Variants in KCNT2 observed in about 807,000 individuals in gnomAD.
KCNT2 encodes potassium sodium-activated channel subfamily T member 2, also known as potassium channel subfamily T member 2.
KCNT2 carries 67 observed loss-of-function variants against 153.8 expected under a neutral mutation model. That is an observed-to-expected ratio of 0.44 (90% CI 0.36 to 0.53). The LOEUF (loss-of-function observed/expected upper bound fraction) is 0.53. Ranked by LOEUF, KCNT2 falls within the 20% of genes least tolerant of loss-of-function variation. The probability of loss-of-function intolerance (pLI) is 0.00; values close to 1 mark genes in which losing one functional copy is unlikely to be tolerated. For synonymous variants in KCNT2, 500 were observed against 458.8 expected (o/e 1.09, Z -1.15); for missense variants, 975 against 1,354.8 (o/e 0.72, Z 4.40).
intron 1 of KCNT2, among the ~76,000 whole-genome samples, chr1:196,572,956 G>C (rs1660943558): frequency 2.0e-5 from 3 of 152,164 alleles, no homozygotes; most frequent in Middle Eastern, 6.8e-3. Context: ...TAGTGTCTCA[G>C]GTTTAAATAG....
chr1:196,262,699 T>C (rs1355184385), intron 25 of KCNT2, among the ~76,000 whole-genome samples: 1 of 152,090 alleles, frequency 6.6e-6, no homozygotes, highest in Non-Finnish European at 1.5e-5. Context: ...ACACGTGGTC[T>C]GTGATCTATG....
At chr1:196,602,770 A>ATTTTTTTTTTTT (rs148932905) in intron 1 of KCNT2, among the ~76,000 whole-genome samples, 1 of 84,630 alleles carries the variant, frequency 1.2e-5, no homozygotes, top group African/African-American at 5.3e-5. Context: ...TTCAAAGTCT[A>ATTTTTTTTTTTT]TTTTTTTTTT....
intron 1 of KCNT2, among the ~76,000 whole-genome samples, chr1:196,550,384 C>G (rs1657737035): frequency 2.0e-5 from 3 of 151,840 alleles, no homozygotes; most frequent in African/African-American, 7.2e-5. Flanking sequence ...AGAAAATACA[C>G]AGAATGAAGA....
chr1:196,573,105 G>A (rs1660959285), intron 1 of KCNT2, among the ~76,000 whole-genome samples: 1 of 152,042 alleles, frequency 6.6e-6, no homozygotes, highest in Non-Finnish European at 1.5e-5. Context: ...GAAAACATCT[G>A]CTTATCCTTC....
chr1:196,441,326 AT>A (rs1366447368), intron 8 of KCNT2, among the ~76,000 whole-genome samples: 4 of 151,254 alleles, frequency 2.6e-5, no homozygotes, highest in Non-Finnish European at 5.9e-5. Context: ...AAAATAAAAA[AT>A]ATATATATAT....
intron 1 of KCNT2, among the ~76,000 whole-genome samples, chr1:196,603,809 A>G (rs759232254): frequency 1.6e-4 from 25 of 152,264 alleles, no homozygotes; most frequent in Non-Finnish European, 3.1e-4. Flanking sequence ...AGTAGTTGGA[A>G]TTGTGACAAT....
intron 26 of KCNT2, among the ~76,000 whole-genome samples, chr1:196,242,282 G>A (rs1005883850): frequency 5.9e-5 from 9 of 152,058 alleles, no homozygotes; most frequent in African/African-American, 2.2e-4. Context: ...GTGTTCAGGT[G>A]AAGTACTTCA....
intron 12 of KCNT2, among the ~76,000 whole-genome samples, chr1:196,400,276 GA>G (rs1394718447): frequency 1.1e-4 from 16 of 151,674 alleles, no homozygotes; most frequent in African/African-American, 3.9e-4. Context: ...AAAGGAAAGG[GA>G]AAAAATAGAA....
chr1:196,325,989 G>A (rs1663813006), intron 19 of KCNT2, among the ~76,000 whole-genome samples: 2 of 152,074 alleles, frequency 1.3e-5, no homozygotes, highest in Non-Finnish European at 2.9e-5. Flanking sequence ...CATCACATTG[G>A]AATGGATGAG....
intron 3 of KCNT2, among the ~76,000 whole-genome samples, chr1:196,483,671 A>G (rs1679190942): frequency 1.3e-5 from 2 of 152,030 alleles, no homozygotes; most frequent in South Asian, 4.1e-4. Flanking sequence ...ATTCCACTTG[A>G]TCAACTTTGT....
At chr1:196,401,037 G>A (rs1354685066) in intron 12 of KCNT2, among the ~76,000 whole-genome samples, 1 of 151,764 alleles carries the variant, frequency 6.6e-6, no homozygotes, top group Non-Finnish European at 1.5e-5. Context: ...GGAAAAGGGA[G>A]AGGCAACAAA....
At chr1:196,549,374 G>C (rs1657591136) in intron 1 of KCNT2, among the ~76,000 whole-genome samples, 1 of 151,840 alleles carries the variant, frequency 6.6e-6, no homozygotes, top group Non-Finnish European at 1.5e-5. Context: ...CCACACTAGA[G>C]AGTGAGAAGA....
chr1:196,295,187 A>G (rs1294434661), intron 22 of KCNT2, among the ~76,000 whole-genome samples: 1 of 151,674 alleles, frequency 6.6e-6, no homozygotes, highest in East Asian at 1.9e-4. Context: ...ACTGTACCCA[A>G]TTAATAATTT....
intron 26 of KCNT2, among the ~76,000 whole-genome samples, chr1:196,238,117 T>G (rs1360253717): frequency 2.0e-5 from 3 of 151,920 alleles, no homozygotes; most frequent in Non-Finnish European, 4.4e-5. Flanking sequence ...ATTATTGAAC[T>G]GTGATACAGG....
At chr1:196,522,981 G>C (rs1185563456) in intron 1 of KCNT2, among the ~76,000 whole-genome samples, 1 of 152,144 alleles carries the variant, frequency 6.6e-6, no homozygotes, top group Non-Finnish European at 1.5e-5. Context: ...AACCCACTTG[G>C]GTCCCCTTCC....
At chr1:196,269,399 C>T (rs966796821) in intron 25 of KCNT2, among the ~76,000 whole-genome samples, 2 of 152,100 alleles carry the variant, frequency 1.3e-5, no homozygotes, top group South Asian at 2.1e-4. Flanking sequence ...AACCTACACA[C>T]TACAAGGTAG....
chr1:196,449,002 T>A (rs1675927212), intron 8 of KCNT2, among the ~76,000 whole-genome samples: 1 of 151,722 alleles, frequency 6.6e-6, no homozygotes. Flanking sequence ...ATGAGCTGGA[T>A]CTTTGCAGTT....
At chr1:196,441,080 G>A (rs1188106788) in intron 8 of KCNT2, among the ~76,000 whole-genome samples, 1 of 151,734 alleles carries the variant, frequency 6.6e-6, no homozygotes, top group Non-Finnish European at 1.5e-5. Flanking sequence ...ACCAAATTGA[G>A]CATGCCATAT....
chr1:196,585,324 G>GGA (rs1308101741), intron 1 of KCNT2, among the ~76,000 whole-genome samples: 7 of 152,104 alleles, frequency 4.6e-5, no homozygotes, highest in Non-Finnish European at 1.0e-4. Flanking sequence ...TTCAAAGAGA[G>GGA]GATGGGACTT....
Sources: allele counts gnomAD v4.1 joint callset (sites outside exome capture counted in the v4.1 genomes callset), GRCh38; gene constraint gnomAD v4.1.1; transcripts MANE v1.5; gene names NCBI Gene and HGNC (gene_info 2026-07-23, HGNC 2026-07-21).